The following EXPH5 variants were observed in gnomAD, a reference collection of about 807,000 sequenced individuals.
The protein encoded by EXPH5 is exophilin-5.
In EXPH5, 42 loss-of-function variants were observed where a neutral mutation model predicts 41.1. The ratio of observed to expected loss-of-function variants is 1.02; its 90% CI spans 0.80 to 1.32. The LOEUF (loss-of-function observed/expected upper bound fraction) is 1.32. Among genes scored for constraint, EXPH5 ranks in the 40% most tolerant of loss-of-function variants. EXPH5 has a pLI of 0.00. For synonymous variants in EXPH5, 798 were observed against 833.5 expected, an observed-to-expected ratio of 0.96 and a Z score of 0.73; for missense variants, 2,298 against 2,314.5, an observed-to-expected ratio of 0.99 and a Z score of 0.15.
chr11:108,524,133 A>C (rs978461273), intron 4 of EXPH5, among the ~76,000 whole-genome samples: 8 of 152,176 alleles, frequency 5.3e-5, no homozygotes, highest in Non-Finnish European at 1.2e-4. Context: ...AGCATGTTGG[A>C]GGCAGGACAG....
At chr11:108,553,744 C>A (rs1412322904) in intron 1 of EXPH5, among the ~76,000 whole-genome samples, 2 of 152,162 alleles carry the variant, frequency 1.3e-5, no homozygotes, top group Non-Finnish European at 2.9e-5. Context: ...TAAATGAGTT[C>A]TACCAACTTA....
At chr11:108,554,929 C>T (rs953061840) in intron 1 of EXPH5, among the ~76,000 whole-genome samples, 4 of 152,064 alleles carry the variant, frequency 2.6e-5, no homozygotes, top group Non-Finnish European at 5.9e-5. Context: ...TGTCTCCCCC[C>T]GGCCTCCAAA....
chr11:108,557,897 A>C (rs2093996668), intron 1 of EXPH5, among the ~76,000 whole-genome samples: 1 of 152,052 alleles, frequency 6.6e-6, no homozygotes, highest in African/African-American at 2.4e-5. Context: ...TCACCCACAA[A>C]ATTAGGGGGT....
At chr11:108,548,444 A>G (rs989998001) in intron 1 of EXPH5, among the ~76,000 whole-genome samples, 2 of 152,230 alleles carry the variant, frequency 1.3e-5, no homozygotes, top group African/African-American at 4.8e-5. Flanking sequence ...GAAGGGGGCA[A>G]GATTTTGAAG....
upstream of EXPH5, among the ~76,000 whole-genome samples, chr11:108,598,655 T>C (rs1488711944): frequency 6.6e-6 from 1 of 151,970 alleles, no homozygotes; most frequent in Admixed American, 6.6e-5. Context: ...AGGATCCAGC[T>C]TTGCTAAGAC....
intron 1 of EXPH5, among the ~76,000 whole-genome samples, chr11:108,570,099 T>C (rs1225317784): frequency 6.6e-6 from 1 of 152,198 alleles, no homozygotes; most frequent in Non-Finnish European, 1.5e-5. Context: ...GGGCCTGGCC[T>C]GCCTCCTGAA....
intron 4 of EXPH5, among the ~76,000 whole-genome samples, chr11:108,522,295 T>C (rs762622160): frequency 8.5e-5 from 13 of 152,130 alleles, no homozygotes; most frequent in Non-Finnish European, 1.5e-4. Context: ...ATTTAAGCTA[T>C]GTGTGAGATA....
Position 108,510,438 on chromosome 11 carries a change from T to G in EXPH5, c.5069A>C (p.Gln1690Pro), listed in dbSNP as rs778459714. The G allele has an allele frequency of 4.3e-6, 7 of 1,613,938 alleles. No individual in the cohort carries two copies. The East Asian group carries it at 1.6e-4, about 36-fold the overall frequency. ...TCGTTGTGAAATGCTGTTAGACTTC[T>G]GGTTGCTGACGTGTGTAGAAGGTTC... ...NREPSTHVSN[Q>P]KSNSISQRHQ... is the part of the protein sequence containing the mutation. The change falls in exon 6 of 6, where the codon CAG (glutamine) becomes CCG (proline). Residue 1690 changes from glutamine to proline, a missense_variant. By Grantham distance (76) the Gln-to-Pro change is moderately conservative. Transcript: ENST00000265843.
In EXPH5 at chr11:108,582,156, C is replaced by T. The variant is rs115916595; in HGVS notation, c.119+11262G>A. ...TTTTACAAGGCTAGAATTACTGACA[C>T]CAAAACCACACAAAAATAGTATACA... is the stretch of plus-strand genomic sequence containing the variant. On this transcript the variant is annotated intron_variant, in intron 1 of 5. Transcript: ENST00000265843. 2.9e-3 allele frequency among the ~76,000 whole-genome samples: 446 copies of T among 152,258 alleles called. 3 individuals are homozygous for T. The highest frequency in any genetic ancestry group is 9.2e-3 in the African/African-American group (383 of 41,540).
chr11:108,573,319 C>T (rs1482676539), intron 1 of EXPH5, among the ~76,000 whole-genome samples: 2 of 152,106 alleles, frequency 1.3e-5, no homozygotes, highest in Non-Finnish European at 2.9e-5. Context: ...GCAAAACAAC[C>T]AGATCTAAAT....
At chr11:108,573,764 T>A (rs187093157) in intron 1 of EXPH5, among the ~76,000 whole-genome samples, 17 of 152,266 alleles carry the variant, frequency 1.1e-4, no homozygotes, top group Admixed American at 3.9e-4. Flanking sequence ...TGAATATTAC[T>A]CTAATCTCTA....
At chr11:108,559,461 G>A (rs2094002950) in intron 1 of EXPH5, among the ~76,000 whole-genome samples, 1 of 152,190 alleles carries the variant, frequency 6.6e-6, no homozygotes, top group African/African-American at 2.4e-5. Context: ...TGCAAAGCAG[G>A]TTAGAACCAT....
intron 1 of EXPH5, among the ~76,000 whole-genome samples, chr11:108,564,418 T>C (rs1487403600): frequency 6.8e-6 from 1 of 147,710 alleles, no homozygotes; most frequent in Admixed American, 6.6e-5. Flanking sequence ...TCTTACCCTA[T>C]GCATGCTTTG....
intron 1 of EXPH5, among the ~76,000 whole-genome samples, chr11:108,581,224 A>G (rs918437349): frequency 6.6e-6 from 1 of 152,142 alleles, no homozygotes; most frequent in Admixed American, 6.6e-5. Flanking sequence ...GGACTACTTG[A>G]GGCCAGGAGG....
At chr11:108,569,107 C>T (rs961203692) in intron 1 of EXPH5, among the ~76,000 whole-genome samples, 7 of 152,120 alleles carry the variant, frequency 4.6e-5, no homozygotes, top group African/African-American at 1.7e-4. Context: ...GTGTCTGCAT[C>T]TCCCTGTAGT....
At chr11:108,523,689 T>C (rs981552045) in intron 4 of EXPH5, among the ~76,000 whole-genome samples, 2 of 152,132 alleles carry the variant, frequency 1.3e-5, no homozygotes, top group African/African-American at 4.8e-5. Flanking sequence ...CTGGGCAACA[T>C]GGTGAAGCCC....
chr11:108,598,676 C>T (rs984112511), upstream of EXPH5, among the ~76,000 whole-genome samples: 3 of 152,020 alleles, frequency 2.0e-5, no homozygotes, highest in South Asian at 2.1e-4. Flanking sequence ...ACAGGAGAAG[C>T]GCTTTCCAAG....
intron 1 of EXPH5, among the ~76,000 whole-genome samples, chr11:108,573,292 G>C (rs1017006240): frequency 3.3e-5 from 5 of 152,176 alleles, no homozygotes; most frequent in African/African-American, 1.2e-4. Context: ...CACCCTACCA[G>C]GGTACTGATT....
chr11:108,536,335 G>A (rs2093879781), intron 3 of EXPH5, among the ~76,000 whole-genome samples: 3 of 150,980 alleles, frequency 2.0e-5, no homozygotes, highest in South Asian at 4.2e-4. Context: ...GGAGTGCAGC[G>A]GCTCACCGTA....
Sources: allele counts gnomAD v4.1 joint callset (sites outside exome capture counted in the v4.1 genomes callset), GRCh38; gene constraint gnomAD v4.1.1; transcripts MANE v1.5; gene names NCBI Gene and HGNC (gene_info 2026-07-23, HGNC 2026-07-21).